Variants in SAMD4A observed in about 807,000 individuals in gnomAD.
SAMD4A encodes the protein protein Smaug homolog 1.
In SAMD4A, 33 loss-of-function variants were observed where a neutral mutation model predicts 81.3. The ratio of observed to expected loss-of-function variants is 0.41; its 90% CI spans 0.31 to 0.54. The LOEUF (loss-of-function observed/expected upper bound fraction) is 0.54. Among genes scored for constraint, SAMD4A ranks in the 20% least tolerant of loss-of-function variants. The probability of loss-of-function intolerance (pLI) is 0.37; values close to 1 mark genes in which losing one functional copy is unlikely to be tolerated. For missense variants in SAMD4A, 854 were observed against 951.1 expected (o/e 0.90, Z 1.34); for synonymous variants, 389 against 382.1 (o/e 1.02, Z -0.21).
At chr14:54,679,054 A>C (rs1459091038) in intron 2 of SAMD4A, among the ~76,000 whole-genome samples, 2 of 152,210 alleles carry the variant, frequency 1.3e-5, no homozygotes, top group African/African-American at 4.8e-5. Flanking sequence ...TTGAACACTT[A>C]TGTTTTATTG....
intron 2 of SAMD4A, among the ~76,000 whole-genome samples, chr14:54,610,608 A>C (rs1369810640): frequency 6.6e-6 from 1 of 152,150 alleles, no homozygotes; most frequent in Non-Finnish European, 1.5e-5. Flanking sequence ...GAAGCTTTTA[A>C]TTTTTTATGA....
chr14:54,719,303 A>G (rs571974544), intron 3 of SAMD4A, among the ~76,000 whole-genome samples: 8 of 152,268 alleles, frequency 5.3e-5, no homozygotes, highest in African/African-American at 1.9e-4. Context: ...TGAGGGTCCC[A>G]TTGGGAATCA....
At chr14:54,725,042 G>A (rs2037378951) in intron 3 of SAMD4A, among the ~76,000 whole-genome samples, 1 of 152,064 alleles carries the variant, frequency 6.6e-6, no homozygotes, top group Non-Finnish European at 1.5e-5. Context: ...AAGCTTTTAG[G>A]GCATGTCACA....
intron 6 of SAMD4A, among the ~76,000 whole-genome samples, chr14:54,758,871 C>T (rs1426492858): frequency 6.6e-6 from 1 of 152,070 alleles, no homozygotes; most frequent in East Asian, 1.9e-4. Context: ...GATTGGGACC[C>T]TGATTATCAA....
At chr14:54,780,210 G>C (rs775014517) in intron 11 of SAMD4A, among the ~76,000 whole-genome samples, 14 of 152,324 alleles carry the variant, frequency 9.2e-5, no homozygotes, top group Middle Eastern at 3.4e-3. Context: ...CTTGCCCAAA[G>C]CCACATGCAA....
intron 2 of SAMD4A, chr14:54,681,789 T>C (rs980168182): frequency 2.0e-6 from 2 of 985,162 alleles, no homozygotes; most frequent in African/African-American, 1.7e-5. Flanking sequence ...ATGAAAAATA[T>C]GCAGGGAGAT....
chr14:54,760,792 C>T (rs2038376711), intron 7 of SAMD4A, among the ~76,000 whole-genome samples: 1 of 152,198 alleles, frequency 6.6e-6, no homozygotes, highest in South Asian at 2.1e-4. Context: ...TGGACCCTTG[C>T]AGGAGGAAGG....
At chr14:54,701,534 G>T (rs1226892137) in intron 2 of SAMD4A, among the ~76,000 whole-genome samples, 1 of 152,152 alleles carries the variant, frequency 6.6e-6, no homozygotes, top group East Asian at 1.9e-4. Context: ...AGAGATGAGG[G>T]GAGCTCTTTT....
intron 2 of SAMD4A, among the ~76,000 whole-genome samples, chr14:54,600,900 G>T (rs2034035889): frequency 6.6e-6 from 1 of 152,232 alleles, no homozygotes; most frequent in African/African-American, 2.4e-5. Context: ...CCAGCAAACA[G>T]CATGCTTAGA....
rs1385115782 is a variant in SAMD4A at position 54,568,090 on chromosome 14, C to G, written c.174C>G (p.Leu58=). 6.4e-7 allele frequency: 1 copy of G among 1,561,064 alleles called. No homozygotes were observed. Among genetic ancestry groups the G allele is most frequent in the Admixed American group, 1.8e-5 (1 of 55,296 alleles). ...SLADCAELHV[L]EREANSPGII... is the part of the protein sequence containing the mutation. ...CCGACTGCGCCGAGCTGCACGTCCTCGAACGCGAGGCCAACAGCCCCGGTA... is the reference window on the plus strand; with the variant it reads ...CCGACTGCGCCGAGCTGCACGTCCTGGAACGCGAGGCCAACAGCCCCGGTA... The change falls in exon 2 of 13, where the codon CTC becomes CTG. Residue 58 remains leucine (L), a synonymous_variant. Coordinates refer to ENST00000554335, the MANE Select transcript of SAMD4A (RefSeq NM_015589.6).
chr14:54,694,945 G>T, intron 2 of SAMD4A: 1 of 984,826 alleles, frequency 1.0e-6, no homozygotes, highest in Non-Finnish European at 1.2e-6. Context: ...CTCATTGGAA[G>T]TATCTGCTAG....
At chr14:54,725,488 C>G (rs1462834805) in intron 3 of SAMD4A, among the ~76,000 whole-genome samples, 5 of 152,184 alleles carry the variant, frequency 3.3e-5, no homozygotes, top group Non-Finnish European at 7.3e-5. Flanking sequence ...TATGACAGAC[C>G]ATGATGGAAA....
Position 54,764,446 on chromosome 14 carries a change from T to C in SAMD4A, c.1511-9T>C, listed in dbSNP as rs751357271. On this transcript the variant is annotated splice_polypyrimidine_tract_variant and intron_variant, in intron 7 of 12. Coordinates refer to ENST00000554335, the MANE Select transcript of SAMD4A (RefSeq NM_015589.6). ...ATTTTTCTAATTCATCTTTTCTTTT[T>C]AATTACAGTGTGCACACAGCTCTTG... 2 of 1,578,866 alleles carry C rather than the reference T, an allele frequency of 1.3e-6. No individual in the cohort carries two copies. The highest frequency in any genetic ancestry group is 8.6e-7 in the Non-Finnish European group (1 of 1,160,166).
chr14:54,565,985 C>G (rs1362539341), upstream of SAMD4A, among the ~76,000 whole-genome samples: 1 of 151,686 alleles, frequency 6.6e-6, no homozygotes, highest in South Asian at 2.1e-4. The surrounding 1 kb of genome is among the most constrained non-coding windows in gnomAD (Gnocchi z 5.4). Flanking sequence ...CCCCCCGGCT[C>G]CCCCCGCGTG....
At chr14:54,601,975 T>C (rs1460719996) in intron 2 of SAMD4A, among the ~76,000 whole-genome samples, 1 of 152,114 alleles carries the variant, frequency 6.6e-6, no homozygotes, top group South Asian at 2.1e-4. Flanking sequence ...CTGGCAACCA[T>C]GTTGGAGAGA....
Position 54,767,114 on chromosome 14 carries a change from A to G in SAMD4A, c.1596+2574A>G, listed in dbSNP as rs537863624. Among the ~76,000 whole-genome samples the G allele has an allele frequency of 3.3e-5, 5 of 152,266 alleles. No individual in the cohort carries two copies. The South Asian group carries it at 8.3e-4, about 25-fold the overall frequency. ...TGCTTTGGAAGGGAAAATGTTGTTC[A>G]GGGCTTTTTATGATTTTACTTTGAG... On this transcript the variant is annotated intron_variant, in intron 8 of 12. Transcript: ENST00000554335.
rs562857028 is a variant in SAMD4A, at chr14:54,777,476, C to T, written c.2044+936C>T. ...AGGTCCAGAATACCACAGCATGGCC[C>T]GGAAGCCGTGGCTGGGCCAAAGGGT... On this transcript the variant is annotated intron_variant, in intron 11 of 12. Coordinates refer to ENST00000554335, the MANE Select transcript of SAMD4A (RefSeq NM_015589.6). Among the ~76,000 whole-genome samples the T allele has an allele frequency of 2.7e-3, 408 of 152,230 alleles. 1 individual carries two copies. The highest frequency in any genetic ancestry group is 9.2e-3 in the African/African-American group (382 of 41,526).
At chr14:54,625,761 C>A (rs752820035) in intron 2 of SAMD4A, among the ~76,000 whole-genome samples, 12 of 152,166 alleles carry the variant, frequency 7.9e-5, no homozygotes, top group Non-Finnish European at 1.2e-4. Context: ...TCACCTTGTG[C>A]AGCTTTGCTC....
intron 3 of SAMD4A, among the ~76,000 whole-genome samples, chr14:54,704,184 T>A (rs566130390): frequency 6.6e-6 from 1 of 152,344 alleles, no homozygotes; most frequent in East Asian, 1.9e-4. Flanking sequence ...GATGACACTG[T>A]CTTTCACAGA....
Sources: gnomAD v4.1 joint callset for allele counts (sites outside exome capture counted in the v4.1 genomes callset) on GRCh38, gnomAD v4.1.1 for gene constraint, Gnocchi (gnomAD v3.1) non-coding constraint, MANE v1.5 for transcripts, NCBI Gene and HGNC (gene_info 2026-07-23, HGNC 2026-07-21) for gene names.